Variants in SLCO3A1 observed in about 807,000 individuals in gnomAD.
SLCO3A1 encodes the protein PGE1 transporter.
Under a neutral mutation model 63.1 loss-of-function variants are expected in SLCO3A1, and 27 were observed. The observed-to-expected ratio is 0.43, with a 90% CI of 0.32 to 0.59. The LOEUF (loss-of-function observed/expected upper bound fraction) is 0.59, where lower values mean the gene tolerates loss of function less well. Among genes scored for constraint, SLCO3A1 ranks in the 20% least tolerant of loss-of-function variants. The probability of loss-of-function intolerance (pLI) is 0.09; values close to 1 mark genes in which losing one functional copy is unlikely to be tolerated. For synonymous variants in SLCO3A1, 473 were observed against 409.9 expected (o/e 1.15, Z -1.86); for missense variants, 773 against 945.8 (o/e 0.82, Z 2.40).
rs779988882 is a variant in SLCO3A1 at position 92,125,828 on chromosome 15, A to C, written c.1175-233A>C. Among the ~76,000 whole-genome samples, 3 of 151,774 alleles carry C rather than the reference A, an allele frequency of 2.0e-5. No individual in the cohort carries two copies. In the South Asian group the frequency reaches 6.2e-4, roughly 32 times the overall value. The stretch of plus-strand genomic sequence containing the variant: ...CCCACTTAGCAGGACAGGTGCGTGC[A>C]CTTAGATTCATGAAGCAGAGTTGCT... On this transcript the variant is annotated intron_variant, in intron 5 of 9. Coordinates refer to ENST00000318445, the MANE Select transcript of SLCO3A1 (RefSeq NM_013272.4).
intron 3 of SLCO3A1, among the ~76,000 whole-genome samples, chr15:92,096,232 A>G (rs1038188073): frequency 4.6e-5 from 7 of 152,134 alleles, no homozygotes; most frequent in African/African-American, 1.7e-4. Flanking sequence ...TCACCGTGAC[A>G]CCCCTGAAGC....
At chr15:92,110,845 C>G (rs927052065) in intron 4 of SLCO3A1, among the ~76,000 whole-genome samples, 5 of 144,476 alleles carry the variant, frequency 3.5e-5, no homozygotes, top group African/African-American at 1.3e-4. Context: ...ACTTCCCACT[C>G]AGGGTTTTGG....
At chr15:91,984,721 C>T (rs1179846725) in intron 2 of SLCO3A1, among the ~76,000 whole-genome samples, 1 of 152,154 alleles carries the variant, frequency 6.6e-6, no homozygotes, top group Non-Finnish European at 1.5e-5. Context: ...TATTTAGAGT[C>T]ACTTAGAGTG....
At chr15:92,075,900 A>G (rs1041549643) in intron 2 of SLCO3A1, among the ~76,000 whole-genome samples, 1 of 152,186 alleles carries the variant, frequency 6.6e-6, no homozygotes, top group Non-Finnish European at 1.5e-5. Flanking sequence ...CTTGCCTCAC[A>G]GTATAATGTG....
chr15:92,084,195 A>G (rs1799660287), intron 2 of SLCO3A1, among the ~76,000 whole-genome samples: 1 of 152,224 alleles, frequency 6.6e-6, no homozygotes. Context: ...CTAATCCTTT[A>G]CATGATCCTG....
chr15:91,926,597 G>GTGTGTGTGCA (rs1304406067), intron 2 of SLCO3A1, among the ~76,000 whole-genome samples: 1 of 31,854 alleles, frequency 3.1e-5, no homozygotes, highest in African/African-American at 1.3e-4. Context: ...GTGTGTGTGT[G>GTGTGTGTGCA]CGCGCGCGCA....
At chr15:92,097,705 G>T (rs1260742502) in intron 3 of SLCO3A1, among the ~76,000 whole-genome samples, 1 of 152,172 alleles carries the variant, frequency 6.6e-6, no homozygotes, top group Non-Finnish European at 1.5e-5. Flanking sequence ...GTCAGTCACG[G>T]TCTTTGTTTG....
chr15:92,172,304 A>C (rs374437190), exon 11 of SLCO3A1: 1 of 160,106 alleles, frequency 6.2e-6, no homozygotes, highest in African/African-American at 2.4e-5. Context: ...CACATACTCA[A>C]TAGATTTTTG....
At chr15:91,901,230 T>C (rs918642976) in intron 1 of SLCO3A1, among the ~76,000 whole-genome samples, 1 of 152,244 alleles carries the variant, frequency 6.6e-6, no homozygotes, top group Non-Finnish European at 1.5e-5. Context: ...ACTAAAATTC[T>C]CTAGAACATG....
chr15:92,051,657 C>T (rs2046958680), intron 2 of SLCO3A1, among the ~76,000 whole-genome samples: 2 of 152,098 alleles, frequency 1.3e-5, no homozygotes, highest in South Asian at 4.1e-4. Context: ...GTCTTCTGAT[C>T]CCATCGTGAA....
chr15:91,923,517 G>T (rs1898914697), intron 2 of SLCO3A1, among the ~76,000 whole-genome samples: 2 of 152,222 alleles, frequency 1.3e-5, no homozygotes. Context: ...GTATTAATTT[G>T]GAGGCAGCCC....
intron 2 of SLCO3A1, among the ~76,000 whole-genome samples, chr15:92,013,622 T>C (rs925295113): frequency 2.4e-4 from 36 of 152,338 alleles, no homozygotes; most frequent in African/African-American, 8.4e-4. Flanking sequence ...AAACAGGCAT[T>C]CTTCAGTGAT....
chr15:92,078,471 G>A (rs574353856), intron 2 of SLCO3A1, among the ~76,000 whole-genome samples: 19 of 152,294 alleles, frequency 1.2e-4, no homozygotes, highest in African/African-American at 2.9e-4. Context: ...GCGCACCTCC[G>A]CGGGCAGCTG....
chr15:92,079,638 G>A (rs936206577), intron 2 of SLCO3A1, among the ~76,000 whole-genome samples: 3 of 152,214 alleles, frequency 2.0e-5, no homozygotes, highest in African/African-American at 4.8e-5. Flanking sequence ...TGAGGTTCCC[G>A]CGGCCAGGGC....
chr15:92,026,397 T>C (rs2046574422), intron 2 of SLCO3A1, among the ~76,000 whole-genome samples: 1 of 152,182 alleles, frequency 6.6e-6, no homozygotes, highest in Admixed American at 6.5e-5. Flanking sequence ...CGAGAGCAGG[T>C]GGTGGTATGT....
intron 2 of SLCO3A1, among the ~76,000 whole-genome samples, chr15:91,926,235 T>A (rs1899005549): frequency 6.6e-6 from 1 of 152,154 alleles, no homozygotes; most frequent in Non-Finnish European, 1.5e-5. Flanking sequence ...AAAAGGAGTA[T>A]CCCCTCTCCA....
rs1447686229 is a variant in SLCO3A1 at position 92,047,096 on chromosome 15, A to ATG, written c.647-47784_647-47783insGT. 4.8e-4 allele frequency among the ~76,000 whole-genome samples: 13 copies of ATG among 26,910 alleles called. 4 individuals carry two copies. The highest frequency in any genetic ancestry group is 1.7e-3 in the African/African-American group (13 of 7,754). The allele number at this position is 26,910 out of a possible 152,430, so 17.7% of individuals were successfully genotyped here. On this transcript the variant is annotated intron_variant, in intron 2 of 9. Transcript: ENST00000318445. ...AAATATATATAATATATAAATATAT[A>ATG]TACAAATATATATATAATATATAAA...
chr15:91,963,720 TG>T (rs1900548052), intron 2 of SLCO3A1, among the ~76,000 whole-genome samples: 1 of 152,092 alleles, frequency 6.6e-6, no homozygotes, highest in African/African-American at 2.4e-5. Flanking sequence ...TTCCTTTTGG[TG>T]GGTTCGTGGT....
chr15:91,923,465 A>G (rs1049237350), intron 2 of SLCO3A1, among the ~76,000 whole-genome samples: 1 of 152,210 alleles, frequency 6.6e-6, no homozygotes, highest in Non-Finnish European at 1.5e-5. Context: ...CTCAAAGTGC[A>G]TGAAGTGCTA....
Sources: gnomAD v4.1 joint callset for allele counts (sites outside exome capture counted in the v4.1 genomes callset) on GRCh38, gnomAD v4.1.1 for gene constraint, MANE v1.5 for transcripts, NCBI Gene and HGNC (gene_info 2026-07-23, HGNC 2026-07-21) for gene names.